The following INPP4B variants were observed in gnomAD, a reference collection of about 807,000 sequenced individuals.
The protein encoded by INPP4B is inositol polyphosphate-4-phosphatase type II B.
Under a neutral mutation model 122.5 loss-of-function variants are expected in INPP4B, and 55 were observed. The ratio of observed to expected loss-of-function variants is 0.45; its 90% CI spans 0.36 to 0.56. The LOEUF (loss-of-function observed/expected upper bound fraction) is 0.56, where lower values mean the gene tolerates loss of function less well. Among genes scored for constraint, INPP4B ranks in the 20% least tolerant of loss-of-function variants. The pLI is 0.00. For synonymous variants in INPP4B, 403 were observed against 388.7 expected, an observed-to-expected ratio of 1.04 and a Z score of -0.43; for missense variants, 1,000 against 1,097.7, an observed-to-expected ratio of 0.91 and a Z score of 1.26.
At chr4:142,428,754 T>A in intron 5 of INPP4B, among the ~76,000 whole-genome samples, 1 of 152,050 alleles carries the variant, frequency 6.6e-6, no homozygotes. Context: ...CAGGGAATGT[T>A]CTTGAATACG....
chr4:142,344,087 A>T (rs1779538994), intron 7 of INPP4B, among the ~76,000 whole-genome samples: 1 of 152,108 alleles, frequency 6.6e-6, no homozygotes, highest in African/African-American at 2.4e-5. Flanking sequence ...TGTTTTGGTT[A>T]TCTTTCTAAT....
intron 2 of INPP4B, among the ~76,000 whole-genome samples, chr4:142,654,189 G>A (rs893871546): frequency 6.6e-6 from 1 of 151,956 alleles, no homozygotes; most frequent in African/African-American, 2.4e-5. Context: ...TTAAGACACA[G>A]GGAGGGAAAC....
intron 9 of INPP4B, among the ~76,000 whole-genome samples, chr4:142,299,630 A>T (rs914538496): frequency 2.0e-5 from 3 of 151,652 alleles, no homozygotes; most frequent in African/African-American, 7.3e-5. Flanking sequence ...AACGAAGTAT[A>T]ACACTGTTCT....
In INPP4B at chr4:142,540,980, T is replaced by G. The variant is rs1828881056; in HGVS notation, c.-190-78254A>C. ...GTAAGAAAGATGATTTACCACTATG[T>G]TAGACAGAAAGACATGGTCGTCACA... On this transcript the variant is annotated intron_variant, in intron 2 of 25. Transcript: ENST00000262992. Among the ~76,000 whole-genome samples, 3 of 152,198 alleles carry G rather than the reference T, an allele frequency of 2.0e-5. No homozygotes were observed. The South Asian group carries it at 6.2e-4, about 31-fold the overall frequency.
intron 18 of INPP4B, among the ~76,000 whole-genome samples, chr4:142,136,042 C>T (rs1236023184): frequency 2.0e-5 from 3 of 152,210 alleles, no homozygotes; most frequent in African/African-American, 7.2e-5. Context: ...TGTGATCCAC[C>T]TACCTTGGCC....
intron 1 of INPP4B, among the ~76,000 whole-genome samples, chr4:142,821,577 A>G (rs1210420386): frequency 2.6e-5 from 4 of 152,166 alleles, no homozygotes; most frequent in African/African-American, 9.6e-5. Flanking sequence ...GCCTTATTTA[A>G]CATATTTTTA....
chr4:142,209,471 T>C (rs1005313632), intron 12 of INPP4B, among the ~76,000 whole-genome samples: 1 of 151,964 alleles, frequency 6.6e-6, no homozygotes, highest in African/African-American at 2.4e-5. Flanking sequence ...AGTTTATATA[T>C]AATATAGTTA....
chr4:142,687,136 A>G (rs186709506), intron 2 of INPP4B, among the ~76,000 whole-genome samples: 18 of 152,188 alleles, frequency 1.2e-4, no homozygotes, highest in African/African-American at 3.9e-4. Context: ...AGTTACTAAG[A>G]AAAAGCACCA....
chr4:142,422,987 A>G (rs2149321255), intron 5 of INPP4B, among the ~76,000 whole-genome samples: 1 of 152,254 alleles, frequency 6.6e-6, no homozygotes, highest in South Asian at 2.1e-4. Flanking sequence ...TCAATAGAAT[A>G]AATGCAAAAA....
chr4:142,571,095 A>G, intron 2 of INPP4B, among the ~76,000 whole-genome samples: 1 of 150,802 alleles, frequency 6.6e-6, no homozygotes, highest in Admixed American at 6.6e-5. Context: ...TTCTCAAAAA[A>G]AAAAAAAAAA....
chr4:142,517,012 A>T (rs947077521), intron 2 of INPP4B, among the ~76,000 whole-genome samples: 1 of 150,066 alleles, frequency 6.7e-6, no homozygotes, highest in African/African-American at 2.5e-5. Context: ...ACTTTTCCCT[A>T]CTCACCATTC....
chr4:142,828,084 T>C (rs1781652381), intron 1 of INPP4B, among the ~76,000 whole-genome samples: 1 of 152,000 alleles, frequency 6.6e-6, no homozygotes, highest in Admixed American at 6.6e-5. Context: ...CACACCAAAG[T>C]CCTAGATTTC....
chr4:142,111,446 A>G (rs888821452), intron 22 of INPP4B, among the ~76,000 whole-genome samples: 1 of 151,944 alleles, frequency 6.6e-6, no homozygotes, highest in African/African-American at 2.4e-5. Flanking sequence ...TCCCCAGTTC[A>G]AGCGATTCTC....
chr4:142,514,313 A>C (rs1825132213), intron 2 of INPP4B: 3 of 152,308 alleles, frequency 2.0e-5, no homozygotes, highest in African/African-American at 7.2e-5. Flanking sequence ...AGCCACTTAG[A>C]AGCCAATGCC....
At chr4:142,827,412 G>A (rs1781578694) in intron 1 of INPP4B, among the ~76,000 whole-genome samples, 1 of 152,078 alleles carries the variant, frequency 6.6e-6, no homozygotes, top group Non-Finnish European at 1.5e-5. Context: ...CAAACTAGAA[G>A]GTCCTCGTAT....
chr4:142,423,924 A>C (rs535299427), intron 5 of INPP4B: 400 of 338,042 alleles, frequency 1.2e-3, no homozygotes, highest in Middle Eastern at 1.9e-3. Flanking sequence ...TACTGTTTTC[A>C]TTTTCCTTCT....
intron 7 of INPP4B, among the ~76,000 whole-genome samples, chr4:142,385,518 A>T (rs1174936913): frequency 6.6e-6 from 1 of 152,166 alleles, no homozygotes; most frequent in Non-Finnish European, 1.5e-5. Context: ...TGAATACAGA[A>T]TAGGAAATGG....
intron 3 of INPP4B, among the ~76,000 whole-genome samples, chr4:142,452,817 A>T (rs1245049517): frequency 6.6e-6 from 1 of 152,160 alleles, no homozygotes; most frequent in Non-Finnish European, 1.5e-5. Flanking sequence ...ACTTCACCTG[A>T]CACATTGGAT....
chr4:142,694,453 C>G (rs1475651858), intron 2 of INPP4B, among the ~76,000 whole-genome samples: 1 of 151,084 alleles, frequency 6.6e-6, no homozygotes, highest in Non-Finnish European at 1.5e-5. Flanking sequence ...CTTTAATAAT[C>G]TTTAATAAAT....
Sources: allele counts gnomAD v4.1 joint callset (sites outside exome capture counted in the v4.1 genomes callset), GRCh38; gene constraint gnomAD v4.1.1; transcripts MANE v1.5; gene names NCBI Gene and HGNC (gene_info 2026-07-23, HGNC 2026-07-21).